Variants in MED14 observed in about 807,000 individuals in gnomAD.
MED14 encodes mediator complex subunit 14, also known as mediator of RNA polymerase II transcription subunit 14.
A neutral mutation model predicts 109.0 loss-of-function variants in MED14; 8 were observed. That is an observed-to-expected ratio of 0.07 (90% CI 0.04 to 0.13). The LOEUF (loss-of-function observed/expected upper bound fraction) is 0.13, where lower values mean the gene tolerates loss of function less well. MED14 is among the 10% of genes least tolerant of loss of function. The probability of loss-of-function intolerance (pLI) is 1.00; values close to 1 mark genes in which losing one functional copy is unlikely to be tolerated. For missense variants in MED14, 711 were observed against 1,142.4 expected (o/e 0.62, Z 5.44); for synonymous variants, 399 against 408.7 (o/e 0.98, Z 0.29).
intron 26 of MED14, among the ~76,000 whole-genome samples, chrX:40,662,632 C>T (rs755567222): frequency 1.8e-5 from 2 of 112,118 alleles, no homozygotes; most frequent in South Asian, 3.7e-4. Context: ...AGATCCTGTG[C>T]GCAGTGCTCC....
At chrX:40,689,758 G>T (rs898698125) in intron 15 of MED14, among the ~76,000 whole-genome samples, 1 of 111,393 alleles carries the variant, frequency 9.0e-6, no homozygotes, top group Non-Finnish European at 1.9e-5. Flanking sequence ...TCACATCTCA[G>T]CCTAAATTAC....
intron 3 of MED14, among the ~76,000 whole-genome samples, chrX:40,722,118 T>C (rs369113081): frequency 9.0e-6 from 1 of 111,712 alleles, no homozygotes; most frequent in Non-Finnish European, 1.9e-5. Flanking sequence ...CAAAAGAAGG[T>C]ACCAGGAACT....
chrX:40,655,132 G>A, intron 28 of MED14, 72 bp from the exon 29 acceptor site: 1 of 1,062,974 alleles, frequency 9.4e-7, no homozygotes, highest in Non-Finnish European at 1.3e-6. Flanking sequence ...AGGAAAGTCT[G>A]AGAGGTTAGA....
At chrX:40,702,297 T>C (rs1459842550) in intron 11 of MED14, among the ~76,000 whole-genome samples, 1 of 111,734 alleles carries the variant, frequency 8.9e-6, no homozygotes, top group East Asian at 2.8e-4. Flanking sequence ...TTTTTATTTA[T>C]GAGTATGTAC....
chrX:40,697,573 C>T (rs1213698868), intron 12 of MED14, among the ~76,000 whole-genome samples: 1 of 112,018 alleles, frequency 8.9e-6, no homozygotes, highest in Admixed American at 9.5e-5. Context: ...GTATACCTAG[C>T]GGGTCCCAGT....
chrX:40,728,269 A>G (rs1316626385), intron 2 of MED14, among the ~76,000 whole-genome samples: 1 of 111,577 alleles, frequency 9.0e-6, no homozygotes, highest in Non-Finnish European at 1.9e-5. Flanking sequence ...TGGTTTTCTG[A>G]CACCATGTTG....
chrX:40,699,408 T>C (rs1930840632), intron 12 of MED14, among the ~76,000 whole-genome samples: 2 of 112,282 alleles, frequency 1.8e-5, no homozygotes, highest in South Asian at 7.4e-4. Context: ...ATGTAAATTA[T>C]ACCTCAATAA....
At chrX:40,718,814 G>C (rs1300952501) in intron 3 of MED14, among the ~76,000 whole-genome samples, 1 of 111,383 alleles carries the variant, frequency 9.0e-6, no homozygotes, top group African/African-American at 3.3e-5. Context: ...ACTCCAGCCT[G>C]GGTGACAGAG....
chrX:40,714,578 G>A lies in MED14; in HGVS notation c.481C>T (p.Leu161=). The A allele has an allele frequency of 8.3e-7, 1 of 1,211,620 alleles. No individual in the cohort carries two copies. The highest frequency in any genetic ancestry group is 1.1e-6 in the Non-Finnish European group (1 of 895,412). Residue 161 remains leucine (L), a synonymous_variant, in exon 4 of 31, where the codon CTA becomes TTA. Transcript: ENST00000324817. Reference sequence around the variant, plus strand: ...AGCCGTGGGTAAGATCCAGTAGTTAGTACATCAATGGCATATGGGATGGCA... The same window carrying A: ...AGCCGTGGGTAAGATCCAGTAGTTAATACATCAATGGCATATGGGATGGCA... The part of the protein sequence containing the change: ...SFAIPYAIDV[L]TTGSYPRLPT...
chrX:40,654,694 G>T, intron 29 of MED14, 138 bp from the exon 30 acceptor site: 1 of 712,959 alleles, frequency 1.4e-6, no homozygotes, highest in Non-Finnish European at 2.0e-6. Flanking sequence ...CAAGAAAAGT[G>T]ACAAACAACT....
chrX:40,735,338 C>G lies in MED14; in HGVS notation c.75G>C (p.Pro25=), dbSNP rs1039995634. 35 of 1,082,728 alleles carry G rather than the reference C, an allele frequency of 3.2e-5. No individual in the cohort carries two copies. The highest frequency in any genetic ancestry group is 4.2e-5 in the Non-Finnish European group (35 of 835,453). The allele number at this position is 1,082,728 out of a possible 1,213,427, so 89.2% of individuals were successfully genotyped here. A position where few individuals can be genotyped will look rare whatever the true frequency, so the allele number is the denominator to read the frequency against. The change falls in exon 1 of 31, where the codon CCG becomes CCC. Residue 25 remains proline (P), a synonymous_variant. Coordinates refer to ENST00000324817, the MANE Select transcript of MED14 (RefSeq NM_004229.4). The stretch of plus-strand genomic sequence containing the variant: ...CCGGGGGAGGAGGGGCTGGGGCTGA[C>G]GGGGGTCCGCCGCTGCCCCCGCCGC... The part of the protein sequence containing the change: ...GGGGGGSGGP[P]SAPAPPPPGA...
intron 2 of MED14, among the ~76,000 whole-genome samples, chrX:40,728,104 C>A (rs1931950484): frequency 8.9e-6 from 1 of 111,926 alleles, no homozygotes; most frequent in Admixed American, 9.4e-5. Flanking sequence ...CTGGGAACCT[C>A]AGTACCTTTC....
intron 23 of MED14, among the ~76,000 whole-genome samples, chrX:40,668,821 G>A (rs1014959246): frequency 3.6e-5 from 4 of 112,025 alleles, no homozygotes; most frequent in Non-Finnish European, 5.6e-5. Flanking sequence ...TGTAATAAAA[G>A]TTATGTGAAT....
chrX:40,674,562 T>A (rs1569283265), intron 22 of MED14, among the ~76,000 whole-genome samples: 1 of 112,048 alleles, frequency 8.9e-6, no homozygotes, highest in Non-Finnish European at 1.9e-5. Flanking sequence ...TGTGCTCATA[T>A]ACAACTAAAA....
chrX:40,713,080 T>G, intron 5 of MED14, 38 bp from the exon 6 acceptor site: 1 of 1,114,530 alleles, frequency 9.0e-7, no homozygotes, highest in Non-Finnish European at 1.2e-6. Flanking sequence ...GAAGTGTACT[T>G]TGCTAGAAAA....
chrX:40,663,685 C>T (rs1254320072), intron 25 of MED14, among the ~76,000 whole-genome samples: 3 of 112,592 alleles, frequency 2.7e-5, no homozygotes, highest in Non-Finnish European at 5.6e-5. Flanking sequence ...TGTGCTTAGT[C>T]TAAACTGCCA....
chrX:40,709,805 G>T (rs1931273014), intron 9 of MED14, among the ~76,000 whole-genome samples, 174 bp downstream of exon 9: 1 of 111,240 alleles, frequency 9.0e-6, no homozygotes, highest in African/African-American at 3.3e-5. Flanking sequence ...ATATATTATA[G>T]TATCAGATGT....
At chrX:40,728,796 G>C (rs1363993129) in intron 2 of MED14, among the ~76,000 whole-genome samples, 3 of 110,296 alleles carry the variant, frequency 2.7e-5, no homozygotes, top group Non-Finnish European at 5.7e-5. Context: ...CATCATTGTT[G>C]CAAGTGATAA....
At chrX:40,681,568 C>T (rs5917380) in intron 19 of MED14, among the ~76,000 whole-genome samples, 41,355 of 110,644 alleles carry the variant, frequency 0.37, 8,341 homozygotes, top group African/African-American at 0.79. Context: ...CCAAGCAAAT[C>T]TGTAATCAGT....
Sources: allele counts gnomAD v4.1 joint callset (sites outside exome capture counted in the v4.1 genomes callset), GRCh38; gene constraint gnomAD v4.1.1; transcripts MANE v1.5; gene names NCBI Gene and HGNC (gene_info 2026-07-23, HGNC 2026-07-21).